FER: variants seen among roughly 807,000 people sequenced by gnomAD.
FER encodes the protein FER tyrosine kinase.
A neutral mutation model predicts 111.0 loss-of-function variants in FER; 63 were observed. The observed-to-expected ratio is 0.57, with a 90% confidence interval of 0.46 to 0.70. FER has a LOEUF of 0.70. Ranked by LOEUF, FER falls within the 30% of genes least tolerant of loss-of-function variation. FER has a pLI of 0.00. For synonymous variants in FER, 327 were observed against 313.9 expected, an observed-to-expected ratio of 1.04 and a Z score of -0.44; for missense variants, 914 against 954.0, an observed-to-expected ratio of 0.96 and a Z score of 0.55.
chr5:109,147,200 T>C (rs947370869), intron 17 of FER, among the ~76,000 whole-genome samples: 3 of 152,002 alleles, frequency 2.0e-5, no homozygotes, highest in Admixed American at 6.6e-5. Context: ...TAAAATTGAA[T>C]AGTCATTAAA....
At chr5:108,765,109 G>A (rs1245642117) in intron 1 of FER, among the ~76,000 whole-genome samples, 2 of 152,162 alleles carry the variant, frequency 1.3e-5, no homozygotes, top group Non-Finnish European at 2.9e-5. Flanking sequence ...GGAAGATTAA[G>A]GTGCATTAGA....
At chr5:109,111,063 A>G (rs1205953386) in intron 17 of FER, among the ~76,000 whole-genome samples, 2 of 152,278 alleles carry the variant, frequency 1.3e-5, no homozygotes, top group South Asian at 2.1e-4. Flanking sequence ...TTTAAATTGG[A>G]CATATGTTTC....
At chr5:109,047,062 TTATTCAAA>T (rs1359417423) in intron 15 of FER, 34 bp from the exon 16 acceptor site, 6 of 1,041,870 alleles carry the variant, frequency 5.8e-6, no homozygotes, top group Admixed American at 4.2e-5. Flanking sequence ...TAATGCTTTA[TTATTCAAA>T]TGATAACTAT....
intron 16 of FER, among the ~76,000 whole-genome samples, chr5:109,065,897 T>G (rs1275902700): frequency 6.6e-6 from 1 of 152,208 alleles, no homozygotes; most frequent in South Asian, 2.1e-4. Flanking sequence ...ACCTACAAAA[T>G]GTAACCTTTG....
chr5:108,819,776 A>T (rs1173126313), intron 3 of FER: 1 of 984,264 alleles, frequency 1.0e-6, no homozygotes, highest in African/African-American at 1.7e-5. Context: ...AGAGATTCAG[A>T]AGAAGGAAGT....
intron 13 of FER, among the ~76,000 whole-genome samples, chr5:109,013,130 C>G (rs927795308): frequency 3.3e-5 from 5 of 150,318 alleles, no homozygotes; most frequent in African/African-American, 9.8e-5. Flanking sequence ...GCACAATGTA[C>G]AGGTTAGTTA....
chr5:109,007,964 T>C (rs902558803), intron 13 of FER, among the ~76,000 whole-genome samples: 6 of 152,212 alleles, frequency 3.9e-5, no homozygotes, highest in Non-Finnish European at 5.9e-5. Flanking sequence ...TACTTTTAGC[T>C]ACTCTCATAG....
chr5:109,146,216 A>ATATATATATTATCTATCTAATATG lies in FER; in HGVS notation c.2049-34524_2049-34523insATTATCTATCTAATATGTATATAT, dbSNP rs1754104618. On this transcript the variant is annotated intron_variant, in intron 17 of 19. Coordinates refer to ENST00000281092, the MANE Select transcript of FER (RefSeq NM_005246.4). ...TATATATAATCTATCTATTTTATAT[A>ATATATATATTATCTATCTAATATG]TATATATTATCTATCTAATATATAT... Among the ~76,000 whole-genome samples, 2 of 138,146 alleles carry ATATATATATTATCTATCTAATATG rather than the reference A, an allele frequency of 1.4e-5. 1 individual carries two copies. The highest frequency in any genetic ancestry group is 5.4e-5 in the African/African-American group (2 of 36,932). 90.6% of individuals were successfully genotyped at this position (138,146 alleles called of 152,430 possible).
intron 13 of FER, among the ~76,000 whole-genome samples, chr5:109,017,536 C>T (rs777435674): frequency 6.6e-6 from 1 of 151,802 alleles, no homozygotes; most frequent in Non-Finnish European, 1.5e-5. Context: ...CATTGTTGAA[C>T]CTTTGTCTTG....
intron 1 of FER, among the ~76,000 whole-genome samples, chr5:108,764,988 A>G (rs1181816723): frequency 6.6e-6 from 1 of 152,138 alleles, no homozygotes; most frequent in Non-Finnish European, 1.5e-5. Flanking sequence ...TTTCTTTTGC[A>G]TCACCCTAGT....
chr5:108,851,140 C>T (rs1762505720), intron 5 of FER, among the ~76,000 whole-genome samples: 1 of 152,154 alleles, frequency 6.6e-6, no homozygotes, highest in African/African-American at 2.4e-5. Context: ...TTGTATTAAT[C>T]TGTTTTCATG....
chr5:108,774,905 C>G (rs1222349409), intron 2 of FER, among the ~76,000 whole-genome samples: 3 of 152,100 alleles, frequency 2.0e-5, no homozygotes, highest in African/African-American at 7.2e-5. Context: ...AATTAGATCC[C>G]ATGTGTCAAT....
chr5:108,900,535 T>A (rs924479532), intron 10 of FER, among the ~76,000 whole-genome samples: 1 of 152,214 alleles, frequency 6.6e-6, no homozygotes, highest in African/African-American at 2.4e-5. Flanking sequence ...AAGAGACTTA[T>A]TTGAATATTG....
intron 17 of FER, among the ~76,000 whole-genome samples, chr5:109,121,031 C>A (rs1463366243): frequency 2.0e-5 from 3 of 151,950 alleles, no homozygotes; most frequent in Non-Finnish European, 2.9e-5. Context: ...AAGAGTATAT[C>A]ATCTTCACAC....
At chr5:109,142,718 GACAA>G (rs1319370390) in intron 17 of FER, among the ~76,000 whole-genome samples, 5 of 150,418 alleles carry the variant, frequency 3.3e-5, no homozygotes, top group Admixed American at 1.3e-4. Flanking sequence ...AACAGAAGAG[GACAA>G]ACAAAGAAAC....
chr5:109,147,792 TATATATATAG>T lies in FER; in HGVS notation c.2049-32953_2049-32944del, dbSNP rs772935674. 7.0e-3 allele frequency among the ~76,000 whole-genome samples: 958 copies of T among 136,022 alleles called. 12 individuals carry two copies. Among genetic ancestry groups the T allele is most frequent in the African/African-American group, 0.025 (885 of 36,118 alleles). 89.2% of individuals were successfully genotyped at this position (136,022 alleles called of 152,430 possible). A position where few individuals can be genotyped will look rare whatever the true frequency, so the allele number is the denominator to read the frequency against. On this transcript the variant is annotated intron_variant, in intron 17 of 19. Coordinates refer to ENST00000281092, the MANE Select transcript of FER (RefSeq NM_005246.4). ...ACACACACACATACATATATATATA[TATATATATAG>T]AGAGAGAGAGAGAGAGAGAGAGAGA...
chr5:109,062,633 T>C (rs1774569452), intron 16 of FER, among the ~76,000 whole-genome samples: 1 of 152,128 alleles, frequency 6.6e-6, no homozygotes, highest in African/African-American at 2.4e-5. Context: ...AAGACTGCAA[T>C]GAAAGATGCC....
chr5:108,999,706 TA>T (rs1002654516), intron 13 of FER, among the ~76,000 whole-genome samples: 45 of 61,838 alleles, frequency 7.3e-4, no homozygotes, highest in African/African-American at 1.7e-3. Context: ...CCATTCTTAC[TA>T]TTTTTTTTTT....
chr5:108,871,441 C>G lies in FER; in HGVS notation c.742C>G (p.Gln248Glu), dbSNP rs753382427. 8 of 1,611,418 alleles carry G rather than the reference C, an allele frequency of 5.0e-6. No homozygotes were observed. Among genetic ancestry groups the G allele is most frequent in the African/African-American group, 2.7e-5 (2 of 74,818 alleles). Reference sequence around the variant, plus strand: ...AATAGTGAATGTCCATAAAGAGATTCAAATGTCGGTTGAACAGATAGATCC... The same window carrying G: ...AATAGTGAATGTCCATAAAGAGATTGAAATGTCGGTTGAACAGATAGATCC... ...EEIVNVHKEI[Q>E]MSVEQIDPST... Residue 248 changes from glutamine (Q) to glutamate (E), a missense_variant, in exon 7 of 20, where the codon CAA becomes GAA. Gln to Glu is a conservative substitution (Grantham distance 29). Transcript: ENST00000281092.
Sources: allele counts gnomAD v4.1 joint callset (sites outside exome capture counted in the v4.1 genomes callset), GRCh38; gene constraint gnomAD v4.1.1; transcripts MANE v1.5; gene names NCBI Gene and HGNC (gene_info 2026-07-23, HGNC 2026-07-21).